The following DLG2 variants were observed in gnomAD, a reference collection of about 807,000 sequenced individuals.
DLG2 encodes disks large homolog 2.
A neutral mutation model predicts 132.5 loss-of-function variants in DLG2; 45 were observed. The ratio of observed to expected loss-of-function variants is 0.34; its 90% CI spans 0.27 to 0.44. The LOEUF is 0.44. Among genes scored for constraint, DLG2 ranks in the 20% least tolerant of loss-of-function variants. The pLI, the probability that DLG2 is intolerant of heterozygous loss-of-function variation, is 1.00. For synonymous variants in DLG2, 424 were observed against 419.6 expected (o/e 1.01, Z -0.13); for missense variants, 1,045 against 1,196.9 (o/e 0.87, Z 1.87).
At chr11:83,852,888 C>A (rs934231090) in intron 16 of DLG2, among the ~76,000 whole-genome samples, 19 of 152,172 alleles carry the variant, frequency 1.2e-4, no homozygotes, top group Admixed American at 1.0e-3. Flanking sequence ...ATCTTACTGA[C>A]CTACTTTCCC....
chr11:84,337,863 G>T (rs557548541), intron 7 of DLG2, among the ~76,000 whole-genome samples: 1 of 152,302 alleles, frequency 6.6e-6, no homozygotes, highest in East Asian at 1.9e-4. Context: ...GGAAGAAACA[G>T]TGCTTTACAA....
At chr11:84,339,173 T>C (rs2098502412) in intron 7 of DLG2, among the ~76,000 whole-genome samples, 1 of 152,208 alleles carries the variant, frequency 6.6e-6, no homozygotes, top group South Asian at 2.1e-4. Flanking sequence ...TTTGTACTTC[T>C]ATCAAGCTGA....
At chr11:84,843,823 T>G (rs910057166) in intron 6 of DLG2, among the ~76,000 whole-genome samples, 1 of 151,658 alleles carries the variant, frequency 6.6e-6, no homozygotes, top group African/African-American at 2.4e-5. Context: ...TCACAGCAGG[T>G]TGAATCCATG....
intron 17 of DLG2, among the ~76,000 whole-genome samples, chr11:83,806,558 GCTTT>G (rs994255865): frequency 6.6e-6 from 1 of 152,140 alleles, no homozygotes; most frequent in Non-Finnish European, 1.5e-5. Context: ...TCTGTGATTT[GCTTT>G]CTTTTTCTAT....
rs1203235158 is a variant in DLG2, at chr11:84,351,669, A to T, written c.520-100378T>A. Among the ~76,000 whole-genome samples, 3 of 152,292 alleles carry T rather than the reference A, an allele frequency of 2.0e-5. No individual in the cohort carries two copies. In the East Asian group the frequency reaches 5.8e-4, roughly 29 times the overall value. On this transcript the variant is annotated intron_variant, in intron 7 of 27. Coordinates refer to ENST00000376104, the MANE Select transcript of DLG2 (RefSeq NM_001142699.3). The stretch of plus-strand genomic sequence containing the variant: ...GGTCCCTTTATTGTCCTTTTAGAGA[A>T]CTTGTAATTTTGACAAATTTGTAGT...
intron 3 of DLG2, among the ~76,000 whole-genome samples, chr11:85,512,663 C>T (rs1207621728): frequency 6.6e-6 from 1 of 152,010 alleles, no homozygotes; most frequent in African/African-American, 2.4e-5. Flanking sequence ...TCTTTAGTAA[C>T]AACTTTTTAA....
chr11:85,549,071 C>T (rs912755296), intron 3 of DLG2, among the ~76,000 whole-genome samples: 2 of 152,108 alleles, frequency 1.3e-5, no homozygotes, highest in East Asian at 3.9e-4. Flanking sequence ...TCAGAGTCCG[C>T]CAAAACAGCC....
At chr11:84,220,956 GT>G (rs376056448) in intron 8 of DLG2, among the ~76,000 whole-genome samples, 129 of 125,792 alleles carry the variant, frequency 1.0e-3, no homozygotes, top group South Asian at 1.6e-3. Context: ...CCCAGCTGAT[GT>G]TTTTTTTTTT....
chr11:85,267,834 C>T (rs1387097261), intron 4 of DLG2, among the ~76,000 whole-genome samples: 2 of 151,962 alleles, frequency 1.3e-5, no homozygotes, highest in African/African-American at 4.8e-5. Context: ...ATAATTGTTT[C>T]AGACAGTTTA....
In DLG2 at chr11:84,861,630, A is replaced by AC. The variant is rs1180014718; in HGVS notation, c.357+250030_357+250031insG. Among the ~76,000 whole-genome samples, 29 of 72,902 alleles carry AC rather than the reference A, an allele frequency of 4.0e-4. 1 individual carries two copies. Among genetic ancestry groups the AC allele is most frequent in the Non-Finnish European group, 8.0e-4 (25 of 31,386 alleles). 47.8% of individuals were successfully genotyped at this position (72,902 alleles called of 152,430 possible). On this transcript the variant is annotated intron_variant, in intron 6 of 27. Transcript: ENST00000376104. ...AGCTTCTACACAGCAAAAAAAAAAA[A>AC]AAAAAAAAACAAAAAAAAAAACCTA...
intron 6 of DLG2, among the ~76,000 whole-genome samples, chr11:85,001,081 C>A (rs2058162765): frequency 6.6e-6 from 1 of 151,862 alleles, no homozygotes; most frequent in Admixed American, 6.6e-5. Flanking sequence ...ACCCATAATA[C>A]CCCCTCAGTT....
chr11:85,146,517 G>T (rs954838958), intron 5 of DLG2, among the ~76,000 whole-genome samples: 1 of 152,108 alleles, frequency 6.6e-6, no homozygotes, highest in Non-Finnish European at 1.5e-5. Flanking sequence ...GGTAGGTCTA[G>T]AGATGCCATC....
intron 17 of DLG2, among the ~76,000 whole-genome samples, chr11:83,811,729 G>A (rs547537460): frequency 9.2e-4 from 140 of 152,220 alleles, no homozygotes; most frequent in African/African-American, 3.2e-3. Flanking sequence ...CTTATGTATT[G>A]TTGGCTATCA....
intron 3 of DLG2, among the ~76,000 whole-genome samples, chr11:85,447,295 C>T (rs2092053790): frequency 6.6e-6 from 1 of 152,076 alleles, no homozygotes; most frequent in African/African-American, 2.4e-5. Flanking sequence ...GTCTCCCCTG[C>T]CCCCTGCCCA....
chr11:83,783,712 A>T (rs1276140851), intron 18 of DLG2, among the ~76,000 whole-genome samples: 1 of 152,174 alleles, frequency 6.6e-6, no homozygotes, highest in African/African-American at 2.4e-5. Context: ...TTTGTAGTTT[A>T]GCAAGATATT....
chr11:83,579,072 G>A (rs1340980026), intron 19 of DLG2, among the ~76,000 whole-genome samples: 1 of 152,144 alleles, frequency 6.6e-6, no homozygotes, highest in Non-Finnish European at 1.5e-5. Flanking sequence ...AACAATAACA[G>A]CTCCCTGGTA....
intron 4 of DLG2, among the ~76,000 whole-genome samples, chr11:85,257,173 C>T (rs1038527011): frequency 2.0e-5 from 3 of 152,060 alleles, no homozygotes; most frequent in African/African-American, 7.2e-5. Flanking sequence ...GCCACCTAGA[C>T]ACATTTACTT....
chr11:84,941,102 C>T (rs1019465704), intron 6 of DLG2, among the ~76,000 whole-genome samples: 1 of 152,072 alleles, frequency 6.6e-6, no homozygotes, highest in East Asian at 1.9e-4. Flanking sequence ...GTTTCTATGC[C>T]AGTAATATGC....
chr11:85,297,063 A>G (rs2079277985), intron 3 of DLG2, among the ~76,000 whole-genome samples: 1 of 151,858 alleles, frequency 6.6e-6, no homozygotes, highest in African/African-American at 2.4e-5. Flanking sequence ...AAATCTTATG[A>G]GAATGTACTG....
Sources: gnomAD v4.1 joint callset for allele counts (sites outside exome capture counted in the v4.1 genomes callset) on GRCh38, gnomAD v4.1.1 for gene constraint, MANE v1.5 for transcripts, NCBI Gene and HGNC (gene_info 2026-07-23, HGNC 2026-07-21) for gene names.